Variants in PFN1 observed in about 807,000 individuals in gnomAD.
The protein encoded by PFN1 is profilin 1.
In PFN1, 2 loss-of-function variants were observed where a neutral mutation model predicts 11.7. The ratio of observed to expected loss-of-function variants is 0.17; its 90% CI spans 0.07 to 0.54. The LOEUF (loss-of-function observed/expected upper bound fraction) is 0.54, where lower values mean the gene tolerates loss of function less well. Ranked by LOEUF, PFN1 falls within the 20% of genes least tolerant of loss-of-function variation. The probability of loss-of-function intolerance (pLI) is 0.94; values close to 1 mark genes in which losing one functional copy is unlikely to be tolerated. For missense variants in PFN1, 97 were observed against 188.4 expected, an observed-to-expected ratio of 0.51 and a Z score of 2.84; for synonymous variants, 78 against 76.2, an observed-to-expected ratio of 1.02 and a Z score of -0.12.
intron 2 of PFN1, 83 bp from the exon 3 acceptor site, chr17:4,946,080 C>G: frequency 9.6e-7 from 1 of 1,038,058 alleles, no homozygotes; most frequent in Admixed American, 1.8e-5. Context: ...AGCTGTCCAG[C>G]CCTGGGGGCT....
rs11538690 is a variant in PFN1 at position 4,946,674 on chromosome 17, G to A, written c.279C>T (p.Thr93=). The A allele has an allele frequency of 5.6e-6, 9 of 1,613,682 alleles. No individual in the cohort carries two copies. The highest frequency in any genetic ancestry group is 7.6e-6 in the Non-Finnish European group (9 of 1,179,864). Residue 93 remains threonine, a synonymous_variant, in exon 2 of 3, where the codon ACC becomes ACT. Coordinates refer to ENST00000225655, the MANE Select transcript of PFN1 (RefSeq NM_005022.4). ...EFSMDLRTKS[T]GGAPTFNVTV... Reference sequence around the variant, plus strand: ...TGACATTGAAGGTGGGGGCCCCACCGGTGCTCTTGGTACGAAGATCCATGC... The same window carrying A: ...TGACATTGAAGGTGGGGGCCCCACCAGTGCTCTTGGTACGAAGATCCATGC...
chr17:4,946,650 G>A lies in PFN1; in HGVS notation c.303C>T (p.Val101=), dbSNP rs1291880555. 6.2e-7 allele frequency: 1 copy of A among 1,612,824 alleles called. No homozygotes were observed. Among genetic ancestry groups the A allele is most frequent in the South Asian group, 1.1e-5 (1 of 90,942 alleles). The change falls in exon 2 of 3, where the codon GTC becomes GTT. Residue 101 remains valine (V), a synonymous_variant. Coordinates refer to ENST00000225655, the MANE Select transcript of PFN1 (RefSeq NM_005022.4). ...KSTGGAPTFN[V]TVTKTDKTLV... ...CACTCTTGTCAGTCTTGGTGACAGTGACATTGAAGGTGGGGGCCCCACCGG... is the reference window on the plus strand; with the variant it reads ...CACTCTTGTCAGTCTTGGTGACAGTAACATTGAAGGTGGGGGCCCCACCGG...
At chr17:4,946,916 A>C (rs1597687812) in intron 1 of PFN1, 96 bp from the exon 2 acceptor site, 51 of 1,064,856 alleles carry the variant, frequency 4.8e-5, no homozygotes, top group Middle Eastern at 3.0e-4. Flanking sequence ...TCTGAGAACC[A>C]CCCCGCCGTG....
At chr17:4,946,095 C>A in intron 2 of PFN1, 98 bp from the exon 3 acceptor site, 1 of 846,126 alleles carries the variant, frequency 1.2e-6, no homozygotes, top group Non-Finnish European at 2.0e-6. Flanking sequence ...GGGGCTGTAA[C>A]CCAACCTCAT....
chr17:4,945,939 A>G lies in PFN1; in HGVS notation c.384T>C (p.Cys128=), dbSNP rs1971376996. 1 of 1,613,280 alleles carries G rather than the reference A, an allele frequency of 6.2e-7. No homozygotes were observed. The highest frequency in any genetic ancestry group is 1.3e-5 in the African/African-American group (1 of 74,878). The change falls in exon 3 of 3, where the codon TGT becomes TGC. Residue 128 remains cysteine, a synonymous_variant. Transcript: ENST00000225655. ...GCCGAAGGTGGGAGGCCATTTCATA[A>G]CATTTCTTGTTGATCAAACCACCGT... ...GVHGGLINKK[C]YEMASHLRRS...
At position 4,948,302 on chromosome 17, in the gene PFN1, G is replaced by C. The variant is rs1488866398; in HGVS notation, c.93C>G (p.Val31=). The C allele has an allele frequency of 6.2e-7, 1 of 1,610,050 alleles. No individual in the cohort carries two copies. The highest frequency in any genetic ancestry group is 1.1e-5 in the South Asian group (1 of 90,666). Residue 31 remains valine (V), a synonymous_variant, in exon 1 of 3, where the codon GTC becomes GTG. Coordinates refer to ENST00000225655, the MANE Select transcript of PFN1 (RefSeq NM_005022.4). ...AIVGYKDSPS[V]WAAVPGKTFV... is the part of the protein sequence containing the mutation. ...ACGTTTTCCCGGGGACGGCGGCCCA[G>C]ACGGAGGGCGAGTCCTTGTAGCCCA...
Position 4,945,687 on chromosome 17 carries a change from AC to A in PFN1, c.*212del, listed in dbSNP as rs139399100. 2.0e-4 allele frequency: 94 copies of A among 471,052 alleles called. 1 individual carries two copies. In the East Asian group the frequency reaches 3.1e-3, roughly 15 times the overall value. The allele number at this position is 471,052 out of a possible 1,614,324, so 29.2% of individuals were successfully genotyped here. A position where few individuals can be genotyped will look rare whatever the true frequency, so the allele number is the denominator to read the frequency against. On this transcript the variant is annotated 3_prime_UTR_variant, in exon 3 of 3. Coordinates refer to ENST00000225655, the MANE Select transcript of PFN1 (RefSeq NM_005022.4). ...AATCTTTTTTATTCAGAAAAAAAAA[AC>A]CCCAAAAAACAAAAGTTTTCCAACC...
intron 1 of PFN1, chr17:4,948,053 C>T: frequency 2.0e-6 from 1 of 488,410 alleles, no homozygotes; most frequent in Non-Finnish European, 3.5e-6. Context: ...AGCGGGGTAG[C>T]GGGCGGGATG....
chr17:4,946,683 G>A lies in PFN1; in HGVS notation c.270C>T (p.Thr90=), dbSNP rs11538688. The A allele has an allele frequency of 6.2e-7, 1 of 1,613,998 alleles. No homozygotes were observed. The part of the protein sequence containing the change: ...QDGEFSMDLR[T]KSTGGAPTFN... ...AGGTGGGGGCCCCACCGGTGCTCTTGGTACGAAGATCCATGCTAAATTCCC... is the reference window on the plus strand; with the variant it reads ...AGGTGGGGGCCCCACCGGTGCTCTTAGTACGAAGATCCATGCTAAATTCCC... Residue 90 remains threonine (T), a synonymous_variant, in exon 2 of 3, where the codon ACC becomes ACT. Transcript: ENST00000225655.
intron 1 of PFN1, chr17:4,947,049 G>A (rs1971413227): frequency 2.2e-6 from 1 of 446,314 alleles, no homozygotes; most frequent in Non-Finnish European, 4.0e-6. Flanking sequence ...AACCAGGGAG[G>A]AAGGGATGAC....
At chr17:4,946,988 T>C in intron 1 of PFN1, 168 bp from the exon 2 acceptor site, 1 of 502,378 alleles carries the variant, frequency 2.0e-6, no homozygotes, top group Non-Finnish European at 3.4e-6. Context: ...CTCTGAGGAC[T>C]GTGGGACGTT....
chr17:4,946,873 C>T (rs898566087), intron 1 of PFN1, 53 bp from the exon 2 acceptor site: 1 of 1,521,814 alleles, frequency 6.6e-7, no homozygotes, highest in Non-Finnish European at 8.9e-7. Context: ...AAGATTCCCA[C>T]CGTGTTCTCC....
At chr17:4,946,176 AAG>A (rs946062309) in intron 2 of PFN1, among the ~76,000 whole-genome samples, 179 bp from the exon 3 acceptor site, 2 of 151,698 alleles carry the variant, frequency 1.3e-5, no homozygotes, top group African/African-American at 4.8e-5. Flanking sequence ...GGCTTTTCAA[AAG>A]AGGAAAATCA....
chr17:4,946,521 A>C (rs1971399093), intron 2 of PFN1, 107 bp downstream of exon 2: 1 of 816,736 alleles, frequency 1.2e-6, no homozygotes, highest in Non-Finnish European at 2.0e-6. Flanking sequence ...TACTGGTCTG[A>C]CTCCCTTCAT....
chr17:4,947,001 T>G, intron 1 of PFN1, 181 bp from the exon 2 acceptor site: 2 of 483,188 alleles, frequency 4.1e-6, no homozygotes, highest in Non-Finnish European at 3.6e-6. Context: ...GGGACGTTAG[T>G]GCAGAAAAAG....
rs915853020 is a variant in PFN1, at chr17:4,946,609, G to GT, written c.325+18dup. ...TAGAGATCTTGGAGCTAAAGGAAGG[G>GT]TAAGACTCAGGAACTCACTCTTGTC... On this transcript the variant is annotated intron_variant, in intron 2 of 2. Transcript: ENST00000225655. 1.9e-6 allele frequency: 3 copies of GT among 1,586,788 alleles called. No homozygotes were observed. In the African/African-American group the frequency reaches 4.0e-5, roughly 21 times the overall value.
At chr17:4,948,108 C>G (rs1971446255) in intron 1 of PFN1, 155 bp downstream of exon 1, 2 of 812,402 alleles carry the variant, frequency 2.5e-6, no homozygotes. Context: ...ACTGAGGGAC[C>G]CACTCACGTG....
At chr17:4,948,190 C>G in intron 1 of PFN1, 73 bp downstream of exon 1, 2 of 1,488,232 alleles carry the variant, frequency 1.3e-6, no homozygotes, top group Non-Finnish European at 9.0e-7. Flanking sequence ...TAGACCGCGC[C>G]CGCCCCCACC....
At chr17:4,946,989 G>A (rs1013334946) in intron 1 of PFN1, 169 bp from the exon 2 acceptor site, 1 of 502,304 alleles carries the variant, frequency 2.0e-6, no homozygotes, top group Non-Finnish European at 3.4e-6. Context: ...TCTGAGGACT[G>A]TGGGACGTTA....
Sources: gnomAD v4.1 joint callset for allele counts (sites outside exome capture counted in the v4.1 genomes callset) on GRCh38, gnomAD v4.1.1 for gene constraint, MANE v1.5 for transcripts, NCBI Gene and HGNC (gene_info 2026-07-23, HGNC 2026-07-21) for gene names.